The following LRRC4C variants were observed in gnomAD, a reference collection of about 807,000 sequenced individuals.
LRRC4C encodes the protein leucine-rich repeat-containing protein 4C.
A neutral mutation model predicts 33.6 loss-of-function variants in LRRC4C; 5 were observed. The ratio of observed to expected loss-of-function variants is 0.15; its 90% CI spans 0.08 to 0.31. The LOEUF is 0.31. Ranked by LOEUF, LRRC4C falls within the 10% of genes least tolerant of loss-of-function variation. LRRC4C has a pLI of 1.00. For missense variants in LRRC4C, 560 were observed against 796.7 expected, an observed-to-expected ratio of 0.70 and a Z score of 3.58; for synonymous variants, 329 against 302.0, an observed-to-expected ratio of 1.09 and a Z score of -0.93.
At position 41,124,218 on chromosome 11, in the gene LRRC4C, A is replaced by C. The variant is rs189520035; in HGVS notation, c.-495-190495T>G. On this transcript the variant is annotated intron_variant, in intron 1 of 6. Transcript: ENST00000528697. ...TCTACCCATACCAGATAGAGAAGTTAGGTATTATTAGCATCAATTTAGAAA... is the reference window on the plus strand; with the variant it reads ...TCTACCCATACCAGATAGAGAAGTTCGGTATTATTAGCATCAATTTAGAAA... 2.9e-4 allele frequency among the ~76,000 whole-genome samples: 44 copies of C among 152,322 alleles called. No individual in the cohort carries two copies. The East Asian group carries it at 7.9e-3, about 27-fold the overall frequency.
chr11:41,382,842 T>C (rs1953207523), intron 1 of LRRC4C, among the ~76,000 whole-genome samples: 1 of 152,130 alleles, frequency 6.6e-6, no homozygotes, highest in Admixed American at 6.6e-5. Flanking sequence ...CTGAAGGTAC[T>C]CTCTTCAAAA....
intron 4 of LRRC4C, among the ~76,000 whole-genome samples, chr11:40,303,763 A>G (rs145626050): frequency 3.2e-4 from 48 of 152,338 alleles, no homozygotes; most frequent in African/African-American, 1.0e-3. Flanking sequence ...TTAAGGACAT[A>G]AAAAGTGTTA....
At chr11:40,271,173 G>C (rs1215019618) in intron 4 of LRRC4C, among the ~76,000 whole-genome samples, 1 of 152,016 alleles carries the variant, frequency 6.6e-6, no homozygotes, top group African/African-American at 2.4e-5. Context: ...AAATGTAACT[G>C]GTCTCCTATT....
intron 4 of LRRC4C, among the ~76,000 whole-genome samples, chr11:40,258,495 T>A (rs186107130): frequency 1.3e-5 from 2 of 152,312 alleles, no homozygotes; most frequent in Admixed American, 1.3e-4. Context: ...TTAAAAACCC[T>A]AGAGGCAATT....
At chr11:40,384,482 A>C (rs1416968153) in intron 3 of LRRC4C, among the ~76,000 whole-genome samples, 1 of 152,166 alleles carries the variant, frequency 6.6e-6, no homozygotes, top group Non-Finnish European at 1.5e-5. Flanking sequence ...TAGACAGATT[A>C]TATAGTTTTT....
At chr11:40,119,964 T>G (rs1855710309) in intron 6 of LRRC4C, among the ~76,000 whole-genome samples, 1 of 151,978 alleles carries the variant, frequency 6.6e-6, no homozygotes, top group Non-Finnish European at 1.5e-5. Context: ...CTGCCAAAAT[T>G]GTTCAAATTA....
chr11:41,159,054 G>A (rs571817523), intron 1 of LRRC4C, among the ~76,000 whole-genome samples: 6 of 152,056 alleles, frequency 3.9e-5, no homozygotes, highest in Non-Finnish European at 8.8e-5. Flanking sequence ...GGAGGCTGAG[G>A]CAGAAATGTT....
chr11:41,209,714 T>C (rs1227874490), intron 1 of LRRC4C, among the ~76,000 whole-genome samples: 2 of 151,882 alleles, frequency 1.3e-5, no homozygotes, highest in Non-Finnish European at 2.9e-5. Flanking sequence ...GGAACAAGAC[T>C]TTTTGGACTG....
intron 1 of LRRC4C, among the ~76,000 whole-genome samples, chr11:41,357,991 C>T (rs1952221621): frequency 1.3e-5 from 2 of 152,058 alleles, no homozygotes; most frequent in African/African-American, 2.4e-5. Context: ...CAACCCTACA[C>T]AACTTCAAGA....
At chr11:40,390,749 G>T (rs1949302258) in intron 3 of LRRC4C, among the ~76,000 whole-genome samples, 2 of 152,342 alleles carry the variant, frequency 1.3e-5, no homozygotes, top group Non-Finnish European at 2.9e-5. Flanking sequence ...TTGAGTTCAT[G>T]ATGGTAGTTC....
intron 1 of LRRC4C, among the ~76,000 whole-genome samples, chr11:40,971,969 C>G (rs1459549660): frequency 1.3e-5 from 2 of 151,996 alleles, no homozygotes; most frequent in African/African-American, 4.8e-5. Context: ...GAGTATTTAC[C>G]CAATGCCTGT....
chr11:40,682,339 C>A (rs1406648725), intron 2 of LRRC4C, among the ~76,000 whole-genome samples: 2 of 151,300 alleles, frequency 1.3e-5, no homozygotes, highest in Non-Finnish European at 2.9e-5. Context: ...TCAATAGTTA[C>A]TAAAGGGATG....
At chr11:40,512,841 C>T (rs1463224010) in intron 3 of LRRC4C, among the ~76,000 whole-genome samples, 1 of 152,182 alleles carries the variant, frequency 6.6e-6, no homozygotes, top group Non-Finnish European at 1.5e-5. Context: ...AGCTACCACA[C>T]TGCAGTAGCT....
At chr11:40,854,554 C>CT (rs1953677555) in intron 2 of LRRC4C, among the ~76,000 whole-genome samples, 1 of 152,156 alleles carries the variant, frequency 6.6e-6, no homozygotes, top group African/African-American at 2.4e-5. Context: ...CAGCTGTGGA[C>CT]TTTTTTCATT....
intron 1 of LRRC4C, among the ~76,000 whole-genome samples, chr11:41,035,286 G>A (rs1379510160): frequency 6.6e-6 from 1 of 151,916 alleles, no homozygotes; most frequent in East Asian, 1.9e-4. Context: ...GTAAACATGT[G>A]CCATGATGGT....
At chr11:40,164,962 T>C (rs1009612388) in intron 5 of LRRC4C, among the ~76,000 whole-genome samples, 2 of 152,210 alleles carry the variant, frequency 1.3e-5, no homozygotes, top group African/African-American at 4.8e-5. Flanking sequence ...TGTTACCAAA[T>C]TGAAGTATAA....
chr11:40,588,058 T>G (rs933352425), intron 3 of LRRC4C, among the ~76,000 whole-genome samples: 103 of 151,784 alleles, frequency 6.8e-4, no homozygotes, highest in African/African-American at 2.4e-3. Context: ...ATGGTACCAG[T>G]TCCTCCTTGT....
At chr11:40,283,913 G>T (rs1233874526) in intron 4 of LRRC4C, among the ~76,000 whole-genome samples, 1 of 151,812 alleles carries the variant, frequency 6.6e-6, no homozygotes, top group East Asian at 1.9e-4. Flanking sequence ...ATGTTGGTCA[G>T]GCTGGTCTTG....
chr11:41,247,743 G>A (rs774579068), intron 1 of LRRC4C, among the ~76,000 whole-genome samples: 5 of 152,174 alleles, frequency 3.3e-5, no homozygotes, highest in Non-Finnish European at 5.9e-5. Context: ...AAAGAGGTGC[G>A]GATGGCAAAA....
Sources: allele counts gnomAD v4.1 joint callset (sites outside exome capture counted in the v4.1 genomes callset), GRCh38; gene constraint gnomAD v4.1.1; transcripts MANE v1.5; gene names NCBI Gene and HGNC (gene_info 2026-07-23, HGNC 2026-07-21).